PCDHGB1: variants seen among roughly 807,000 people sequenced by gnomAD.
PCDHGB1 encodes protocadherin gamma subfamily B, 1.
A neutral mutation model predicts 56.6 loss-of-function variants in PCDHGB1; 34 were observed. The observed-to-expected ratio is 0.60, with a 90% CI of 0.46 to 0.80. The LOEUF is 0.80. Among genes scored for constraint, PCDHGB1 ranks in the 30% least tolerant of loss-of-function variants. PCDHGB1 has a pLI of 0.00. For synonymous variants in PCDHGB1, 561 were observed against 505.9 expected, an observed-to-expected ratio of 1.11 and a Z score of -1.46; for missense variants, 1,278 against 1,204.6, an observed-to-expected ratio of 1.06 and a Z score of -0.90.
intron 1 of PCDHGB1, chr5:141,398,834 A>T: frequency 6.2e-7 from 1 of 1,614,014 alleles, no homozygotes; most frequent in Non-Finnish European, 8.5e-7. Context: ...ACCGACGCCA[A>T]TGATAATCCC....
chr5:141,432,685 C>T lies in PCDHGB1; in HGVS notation c.2410-62122C>T, dbSNP rs1561863583. 1 of 1,613,932 alleles carries T rather than the reference C, an allele frequency of 6.2e-7. No individual in the cohort carries two copies. The highest frequency in any genetic ancestry group is 1.7e-5 in the Admixed American group (1 of 60,020). ...ACAGAGACGCGCTCAAGCAGAGCCT[C>T]GTAGTGGCCGTCCAGGACCACGGCC... On this transcript the variant is annotated intron_variant, in intron 1 of 3. Coordinates refer to ENST00000523390, the MANE Select transcript of PCDHGB1 (RefSeq NM_018922.3). This position sits in a 1 kb window ranked among gnomAD's most constrained non-coding sequence, Gnocchi z 6.0.
At chr5:141,460,961 A>ATATGTGTG (rs1463306338) in intron 1 of PCDHGB1, among the ~76,000 whole-genome samples, 3 of 144,556 alleles carry the variant, frequency 2.1e-5, no homozygotes, top group African/African-American at 7.8e-5. Context: ...GTATATATAT[A>ATATGTGTG]TGTGTGTGTG....
chr5:141,433,389 A>G (rs1157605590), intron 1 of PCDHGB1, among the ~76,000 whole-genome samples: 2 of 151,108 alleles, frequency 1.3e-5, no homozygotes, highest in African/African-American at 2.4e-5. Context: ...CTATCTATCT[A>G]TCTATCTATC....
chr5:141,405,758 G>A (rs533667979), intron 1 of PCDHGB1, among the ~76,000 whole-genome samples: 8 of 152,246 alleles, frequency 5.3e-5, no homozygotes, highest in South Asian at 2.1e-4. Context: ...GATTACAGGC[G>A]TGAGCCACTG....
chr5:141,403,033 G>T (rs764461706), intron 1 of PCDHGB1: 1 of 1,614,056 alleles, frequency 6.2e-7, no homozygotes, highest in Non-Finnish European at 8.5e-7. Flanking sequence ...GGGAGGCCAG[G>T]GCCAGTCAGA....
intron 3 of PCDHGB1, among the ~76,000 whole-genome samples, chr5:141,509,069 G>A (rs1463164307): frequency 2.6e-5 from 4 of 152,174 alleles, no homozygotes; most frequent in African/African-American, 9.7e-5. Context: ...CTCAGCTCCG[G>A]GGATTTGCGA....
Position 141,490,693 on chromosome 5 carries a change from G to A in PCDHGB1, c.2410-4114G>A. On this transcript the variant is annotated intron_variant, in intron 1 of 3. Coordinates refer to ENST00000523390, the MANE Select transcript of PCDHGB1 (RefSeq NM_018922.3). This position sits in a 1 kb window ranked among gnomAD's most constrained non-coding sequence, Gnocchi z 5.4. ...GGCTGCCTCAGATCCAGACACTGGGGATAATGCCCGCCTCACCTACTCCAT... is the reference window on the plus strand; with the variant it reads ...GGCTGCCTCAGATCCAGACACTGGGAATAATGCCCGCCTCACCTACTCCAT... 1.9e-6 allele frequency: 3 copies of A among 1,614,170 alleles called. No homozygotes were observed. Among genetic ancestry groups the A allele is most frequent in the Non-Finnish European group, 2.5e-6 (3 of 1,180,018 alleles).
intron 1 of PCDHGB1, chr5:141,366,651 A>C (rs767855798): frequency 3.1e-6 from 5 of 1,614,244 alleles, no homozygotes; most frequent in Non-Finnish European, 3.4e-6. Context: ...CCCCAGCCCA[A>C]CTACGCAGAC....
rs1433429634 is a variant in PCDHGB1 at position 141,486,311 on chromosome 5, G to T, written c.2410-8496G>T. 1.2e-6 allele frequency: 2 copies of T among 1,613,956 alleles called. No homozygotes were observed. Among genetic ancestry groups the T allele is most frequent in the African/African-American group, 2.7e-5 (2 of 74,892 alleles). On this transcript the variant is annotated intron_variant, in intron 1 of 3. Transcript: ENST00000523390. The surrounding 1 kb of genome is among the most constrained non-coding windows in gnomAD (Gnocchi z 5.0). The stretch of plus-strand genomic sequence containing the variant: ...TATCAGTGTGCAGGATCCAGACTCA[G>T]GGTCAAACGGAGATGTGAGCCTCCG...
At chr5:141,398,502 C>A in intron 1 of PCDHGB1, 1 of 1,596,962 alleles carries the variant, frequency 6.3e-7, no homozygotes, top group Admixed American at 1.7e-5. Flanking sequence ...AGATCGAGGA[C>A]ATTAATGACC....
intron 1 of PCDHGB1, chr5:141,362,441 A>T: frequency 2.5e-6 from 4 of 1,614,052 alleles, no homozygotes; most frequent in Non-Finnish European, 3.4e-6. Context: ...AATTTTCTGA[A>T]CATAACCCCG....
chr5:141,392,962 A>G, intron 1 of PCDHGB1: 1 of 1,613,902 alleles, frequency 6.2e-7, no homozygotes, highest in Admixed American at 1.7e-5. Context: ...AATATCTCCA[A>G]GGACCTGGGG....
intron 1 of PCDHGB1, among the ~76,000 whole-genome samples, chr5:141,453,288 ATTAT>A (rs577328880): frequency 4.0e-5 from 6 of 151,342 alleles, no homozygotes; most frequent in Admixed American, 1.3e-4. Context: ...TAATTTTTTA[ATTAT>A]TTATTTATTT....
chr5:141,388,212 G>C, intron 1 of PCDHGB1: 3 of 1,590,850 alleles, frequency 1.9e-6, no homozygotes, highest in Non-Finnish European at 2.6e-6. Flanking sequence ...TGAGGCTGTT[G>C]CTGAAAATCC....
At position 141,387,642 on chromosome 5, in the gene PCDHGB1, C is replaced by A. The variant is rs554256672; in HGVS notation, c.2409+34973C>A. The A allele has an allele frequency of 6.9e-5, 43 of 622,250 alleles. No homozygotes were observed. In the African/African-American group the frequency reaches 7.8e-4, roughly 11 times the overall value. 38.5% of individuals were successfully genotyped at this position (622,250 alleles called of 1,614,324 possible). On this transcript the variant is annotated intron_variant, in intron 1 of 3. Transcript: ENST00000523390. ...TGCTGACTCTGGGCGCCGCTGTTGG[C>A]CAAAGTGGAGAGCTTGGCGCTCCAG...
chr5:141,392,964 G>A (rs772870041), intron 1 of PCDHGB1: 2 of 1,613,902 alleles, frequency 1.2e-6, no homozygotes, highest in South Asian at 1.1e-5. Context: ...TATCTCCAAG[G>A]ACCTGGGGCT....
At chr5:141,357,754 G>A in intron 1 of PCDHGB1, 1 of 1,082,694 alleles carries the variant, frequency 9.2e-7, no homozygotes, top group Non-Finnish European at 1.3e-6. Context: ...AAGAAAACTG[G>A]TGGATGACCT....
intron 1 of PCDHGB1, chr5:141,361,467 C>T (rs1431516547): frequency 1.2e-6 from 2 of 1,614,046 alleles, no homozygotes; most frequent in African/African-American, 1.3e-5. Flanking sequence ...ACATCTCCGA[C>T]GTCAACGATA....
intron 1 of PCDHGB1, chr5:141,412,334 T>C (rs371361193): frequency 2.0e-5 from 3 of 152,262 alleles, no homozygotes; most frequent in Admixed American, 1.3e-4. Flanking sequence ...GCAACTGTAA[T>C]ATATGTTCAT....
Sources: allele counts gnomAD v4.1 joint callset (sites outside exome capture counted in the v4.1 genomes callset), GRCh38; gene constraint gnomAD v4.1.1; non-coding constraint Gnocchi (gnomAD v3.1); transcripts MANE v1.5; gene names NCBI Gene and HGNC (gene_info 2026-07-23, HGNC 2026-07-21).